DROSHA: variants seen among roughly 807,000 people sequenced by gnomAD.
DROSHA encodes drosha ribonuclease III.
In DROSHA, 56 loss-of-function variants were observed where a neutral mutation model predicts 181.9. The observed-to-expected ratio is 0.31, with a 90% CI of 0.25 to 0.38. The LOEUF is 0.38. Among genes scored for constraint, DROSHA ranks in the 10% least tolerant of loss-of-function variants. DROSHA has a pLI of 1.00. For synonymous variants in DROSHA, 524 were observed against 591.2 expected, an observed-to-expected ratio of 0.89 and a Z score of 1.65; for missense variants, 1,218 against 1,743.5, an observed-to-expected ratio of 0.70 and a Z score of 5.37.
intron 25 of DROSHA, among the ~76,000 whole-genome samples, chr5:31,432,009 G>C (rs1744237296): frequency 6.6e-6 from 1 of 152,014 alleles, no homozygotes. Context: ...TCTGCTACAA[G>C]CCCCTGGGTT....
chr5:31,455,989 G>T (rs1398759684), intron 20 of DROSHA, among the ~76,000 whole-genome samples: 1 of 152,032 alleles, frequency 6.6e-6, no homozygotes, highest in Non-Finnish European at 1.5e-5. Flanking sequence ...AAAACAATGA[G>T]AATGTATTTA....
chr5:31,403,889 T>A (rs914304038), intron 35 of DROSHA, among the ~76,000 whole-genome samples: 2 of 152,198 alleles, frequency 1.3e-5, no homozygotes, highest in Middle Eastern at 3.2e-3. Flanking sequence ...AGGTTTTTTT[T>A]ATCTGCTACT....
At chr5:31,486,391 G>T in intron 14 of DROSHA, 100 bp downstream of exon 14, 1 of 1,189,748 alleles carries the variant, frequency 8.4e-7, no homozygotes, top group Admixed American at 2.3e-5. Context: ...AGATATTCCT[G>T]GCAAAAGCCA....
In DROSHA at chr5:31,422,887, G is replaced by C. The variant is rs1434023676; in HGVS notation, c.3319C>G (p.Leu1107Val). The C allele has an allele frequency of 6.2e-7, 1 of 1,613,152 alleles. No homozygotes were observed. Among genetic ancestry groups the C allele is most frequent in the East Asian group, 2.2e-5 (1 of 44,844 alleles). The stretch of plus-strand genomic sequence containing the variant: ...CCAATTGCTTCTTCAAACTCAGTAA[G>C]TTTTTGTAGAACTGGAGAAGTTTCA... ...LIETSPVLQKLTEFEEAIGVI... is the reference protein window; with the variant it reads ...LIETSPVLQKVTEFEEAIGVI... The change falls in exon 29 of 36, where the codon CTT becomes GTT. Residue 1107 changes from leucine to valine, a missense_variant. By Grantham distance (32) the Leu-to-Val change is conservative. Transcript: ENST00000344624.
chr5:31,408,904 TGTG>T, intron 33 of DROSHA, 149 bp downstream of exon 33: 3 of 653,490 alleles, frequency 4.6e-6, no homozygotes, highest in Non-Finnish European at 7.8e-6. Flanking sequence ...TGAGTTTCCC[TGTG>T]GGGCCCAAAG....
At chr5:31,487,033 C>T (rs7702851) in intron 13 of DROSHA, among the ~76,000 whole-genome samples, 16,674 of 152,044 alleles carry the variant, frequency 0.11, 1,183 homozygotes, top group East Asian at 0.22. Flanking sequence ...TAAGCAAAGG[C>T]AATTGTGGTA....
At chr5:31,465,018 C>G (rs1305456150) in intron 19 of DROSHA, among the ~76,000 whole-genome samples, 2 of 152,134 alleles carry the variant, frequency 1.3e-5, no homozygotes, top group East Asian at 1.9e-4. Flanking sequence ...CACAAGAGGC[C>G]CATTAAATGG....
intron 35 of DROSHA, among the ~76,000 whole-genome samples, chr5:31,402,341 C>T (rs1364157410): frequency 6.6e-6 from 1 of 152,172 alleles, no homozygotes. Flanking sequence ...TTCATTTACA[C>T]ATGATCAACC....
chr5:31,499,254 G>A (rs560184546), intron 11 of DROSHA, among the ~76,000 whole-genome samples: 1 of 152,164 alleles, frequency 6.6e-6, no homozygotes, highest in South Asian at 2.1e-4. Flanking sequence ...GTCCAATCCT[G>A]CTTCCACCCT....
chr5:31,521,291 T>C (rs1362151916), intron 5 of DROSHA, 76 bp from the exon 6 acceptor site: 3 of 1,508,172 alleles, frequency 2.0e-6, no homozygotes, highest in Non-Finnish European at 2.7e-6. Context: ...TGAATTCATC[T>C]TGTAAATAAA....
chr5:31,432,176 G>A (rs1744260815), intron 25 of DROSHA, among the ~76,000 whole-genome samples: 1 of 151,050 alleles, frequency 6.6e-6, no homozygotes. Context: ...CTGTCGCCCA[G>A]GCTGGAGTGC....
rs1740075485 is a variant in DROSHA at position 31,402,100 on chromosome 5, A to G, written c.3995-538T>C. On this transcript the variant is annotated intron_variant, in intron 35 of 35. Transcript: ENST00000344624. ...TCATTATGTCTGATAATTAATTTTT[A>G]GGTTTATGATGACAGGCCCAAAGCT... 2.0e-5 allele frequency among the ~76,000 whole-genome samples: 3 copies of G among 152,214 alleles called. No individual in the cohort carries two copies. In the South Asian group the frequency reaches 6.2e-4, roughly 32 times the overall value.
At chr5:31,528,035 C>A (rs983503635) in intron 4 of DROSHA, among the ~76,000 whole-genome samples, 2 of 152,100 alleles carry the variant, frequency 1.3e-5, no homozygotes, top group Non-Finnish European at 2.9e-5. Flanking sequence ...GGCTTCCTGA[C>A]ATGATGCCTT....
Position 31,409,009 on chromosome 5 carries a change from T to C in DROSHA, c.3854+47A>G. The C allele has an allele frequency of 6.4e-7, 1 of 1,564,662 alleles. No homozygotes were observed. The highest frequency in any genetic ancestry group is 8.7e-7 in the Non-Finnish European group (1 of 1,143,066). ...TTCAAGGCACATGGAAAGTCAATTT[T>C]AGGCATGCTGGATCCAACCAATGGC... On this transcript the variant is annotated intron_variant, in intron 33 of 35. Transcript: ENST00000344624. This position sits in a 1 kb window ranked among gnomAD's most constrained non-coding sequence, Gnocchi z 4.0.
At chr5:31,437,459 A>G (rs1745011651) in intron 23 of DROSHA, 161 bp from the exon 24 acceptor site, 1 of 657,300 alleles carries the variant, frequency 1.5e-6, no homozygotes, top group Admixed American at 3.1e-5. Flanking sequence ...ATCTTAGCCT[A>G]GAGGCATCTG....
intron 5 of DROSHA, among the ~76,000 whole-genome samples, chr5:31,523,133 G>A (rs1561294170): frequency 6.6e-6 from 1 of 152,148 alleles, no homozygotes; most frequent in Non-Finnish European, 1.5e-5. Flanking sequence ...AGTTATATTA[G>A]GACTTCATGT....
At chr5:31,407,101 T>C in intron 33 of DROSHA, 156 bp from the exon 34 acceptor site, 1 of 464,660 alleles carries the variant, frequency 2.2e-6, no homozygotes, top group East Asian at 3.6e-5. Context: ...GAGTTAAGTT[T>C]TTGATTTGCT....
chr5:31,472,315 A>C, intron 16 of DROSHA, 83 bp from the exon 17 acceptor site: 1 of 1,442,398 alleles, frequency 6.9e-7, no homozygotes, highest in Non-Finnish European at 9.2e-7. Flanking sequence ...TAAGGAAAAA[A>C]ACAAGACAAT....
chr5:31,481,585 T>C (rs956456215), intron 16 of DROSHA, among the ~76,000 whole-genome samples: 11 of 152,182 alleles, frequency 7.2e-5, no homozygotes, highest in African/African-American at 2.2e-4. Context: ...AGAAACGGCA[T>C]CTCAATAAAA....
Sources: allele counts gnomAD v4.1 joint callset (sites outside exome capture counted in the v4.1 genomes callset), GRCh38; gene constraint gnomAD v4.1.1; non-coding constraint Gnocchi (gnomAD v3.1); transcripts MANE v1.5; gene names NCBI Gene and HGNC (gene_info 2026-07-23, HGNC 2026-07-21).